The following WDR70 variants were observed in gnomAD, a reference collection of about 807,000 sequenced individuals.
The protein encoded by WDR70 is WD repeat domain 70.
Under a neutral mutation model 88.6 loss-of-function variants are expected in WDR70, and 53 were observed. That is an observed-to-expected ratio of 0.60 (90% CI 0.48 to 0.75). The LOEUF (loss-of-function observed/expected upper bound fraction) is 0.75, where lower values mean the gene tolerates loss of function less well. Ranked by LOEUF, WDR70 falls within the 30% of genes least tolerant of loss-of-function variation. The pLI is 0.00. For synonymous variants in WDR70, 280 were observed against 270.0 expected (o/e 1.04, Z -0.36); for missense variants, 610 against 823.2 (o/e 0.74, Z 3.17).
At chr5:37,699,359 C>G (rs866152184) in intron 11 of WDR70, among the ~76,000 whole-genome samples, 6 of 126,508 alleles carry the variant, frequency 4.7e-5, no homozygotes, top group African/African-American at 9.5e-5. Flanking sequence ...CACACACACA[C>G]AGTGTGTGTG....
intron 10 of WDR70, among the ~76,000 whole-genome samples, chr5:37,685,113 C>G (rs1356468773): frequency 1.3e-5 from 2 of 151,904 alleles, no homozygotes; most frequent in Non-Finnish European, 2.9e-5. Flanking sequence ...GCAGTGTTGG[C>G]ACTGGGATGG....
chr5:37,657,275 C>G (rs1029967803), intron 10 of WDR70, among the ~76,000 whole-genome samples: 1 of 152,118 alleles, frequency 6.6e-6, no homozygotes, highest in Non-Finnish European at 1.5e-5. Context: ...TTGTGCTTCC[C>G]GGGTGAGATG....
chr5:37,692,808 G>A (rs1746845400), intron 10 of WDR70, among the ~76,000 whole-genome samples: 1 of 152,086 alleles, frequency 6.6e-6, no homozygotes, highest in African/African-American at 2.4e-5. Context: ...ACCAGCACAA[G>A]ACAAGGATGC....
At chr5:37,429,464 T>C (rs558356670) in intron 5 of WDR70, among the ~76,000 whole-genome samples, 2 of 152,282 alleles carry the variant, frequency 1.3e-5, no homozygotes, top group Non-Finnish European at 2.9e-5. Context: ...CTCATTGTTT[T>C]ATAGGTTTAG....
chr5:37,609,776 G>A (rs1744134158), intron 10 of WDR70, among the ~76,000 whole-genome samples: 1 of 152,180 alleles, frequency 6.6e-6, no homozygotes, highest in Admixed American at 6.5e-5. Flanking sequence ...TGGCTGTTCA[G>A]TGCCCCCATT....
At chr5:37,438,982 A>G (rs1012304103) in intron 6 of WDR70, among the ~76,000 whole-genome samples, 1 of 147,970 alleles carries the variant, frequency 6.8e-6, no homozygotes, top group Non-Finnish European at 1.5e-5. Context: ...CAGTGGTGTG[A>G]TCTCGGCTCA....
intron 3 of WDR70, among the ~76,000 whole-genome samples, chr5:37,382,554 G>T (rs1287790573): frequency 1.3e-5 from 2 of 151,958 alleles, no homozygotes; most frequent in Non-Finnish European, 2.9e-5. Flanking sequence ...TGGGACTACA[G>T]GTGTACGCCA....
chr5:37,710,605 T>C (rs548907102), intron 13 of WDR70, among the ~76,000 whole-genome samples: 21 of 152,112 alleles, frequency 1.4e-4, no homozygotes, highest in African/African-American at 5.1e-4. Context: ...TCAAGATAAG[T>C]AACATTTTAA....
At chr5:37,467,089 T>C (rs916950049) in intron 7 of WDR70, among the ~76,000 whole-genome samples, 1 of 151,992 alleles carries the variant, frequency 6.6e-6, no homozygotes, top group African/African-American at 2.4e-5. Flanking sequence ...TAGCTGGGCA[T>C]GGTGGTGCAC....
chr5:37,382,211 G>T lies in WDR70; in HGVS notation c.175+526G>T, dbSNP rs552675825. Among the ~76,000 whole-genome samples the T allele has an allele frequency of 2.6e-5, 4 of 150,972 alleles. No homozygotes were observed. The South Asian group carries it at 8.4e-4, about 32-fold the overall frequency. On this transcript the variant is annotated intron_variant, in intron 3 of 17. Coordinates refer to ENST00000265107, the MANE Select transcript of WDR70 (RefSeq NM_018034.4). ...CCTCCCCGGTTCAAGCGATTCTCCT[G>T]CCTCTGCCTCCCGAGTAGCTGGGAC...
intron 10 of WDR70, 148 bp downstream of exon 10, chr5:37,605,386 G>GT: frequency 1.4e-6 from 1 of 725,808 alleles, no homozygotes; most frequent in Non-Finnish European, 2.0e-6. Flanking sequence ...GTGATCAAAC[G>GT]TTGAGACTTT....
At chr5:37,665,636 C>T (rs1745818282) in intron 10 of WDR70, among the ~76,000 whole-genome samples, 1 of 152,152 alleles carries the variant, frequency 6.6e-6, no homozygotes, top group South Asian at 2.1e-4. Flanking sequence ...TGATGCTTGA[C>T]CTTGACTTTG....
chr5:37,684,183 G>T (rs1000074952), intron 10 of WDR70, among the ~76,000 whole-genome samples: 1 of 152,200 alleles, frequency 6.6e-6, no homozygotes, highest in Admixed American at 6.5e-5. Flanking sequence ...TATTTTGTCT[G>T]TCAGTTCCTG....
At chr5:37,593,858 G>A (rs1167057190) in intron 9 of WDR70, among the ~76,000 whole-genome samples, 1 of 152,170 alleles carries the variant, frequency 6.6e-6, no homozygotes, top group African/African-American at 2.4e-5. Flanking sequence ...GGCGTAAGAT[G>A]GTATCTCATT....
At chr5:37,420,258 G>T (rs1359397406) in intron 5 of WDR70, among the ~76,000 whole-genome samples, 2 of 152,138 alleles carry the variant, frequency 1.3e-5, no homozygotes, top group African/African-American at 2.4e-5. Context: ...CAAGAATCAG[G>T]TAATTATTTT....
At chr5:37,611,978 T>G (rs1196945027) in intron 10 of WDR70, among the ~76,000 whole-genome samples, 1 of 152,154 alleles carries the variant, frequency 6.6e-6, no homozygotes, top group Non-Finnish European at 1.5e-5. Flanking sequence ...CAGCCCAGAC[T>G]AATGACCTCA....
chr5:37,751,514 A>G (rs1481422034), intron 17 of WDR70, among the ~76,000 whole-genome samples: 1 of 152,240 alleles, frequency 6.6e-6, no homozygotes, highest in Non-Finnish European at 1.5e-5. Flanking sequence ...TTTCCCCAGG[A>G]TAATAAAAAA....
rs1183954788 is a variant in WDR70 at position 37,701,144 on chromosome 5, T to G, written c.1277+2T>G. On this transcript the variant is annotated splice_donor_variant, in intron 12 of 17. Transcript: ENST00000265107. LOFTEE classifies it high-confidence loss of function. The stretch of plus-strand genomic sequence containing the variant: ...GGGTCTTCCCACCATGTTCCCAATG[T>G]AAGTAGCATATTTTAAATATTTGAT... The G allele has an allele frequency of 6.3e-7, 1 of 1,576,122 alleles. No homozygotes were observed. The highest frequency in any genetic ancestry group is 1.7e-5 in the Admixed American group (1 of 59,940).
At position 37,444,465 on chromosome 5, in the gene WDR70, A is replaced by G. The variant is rs1738397659; in HGVS notation, c.686+1093A>G. Reference sequence around the variant, plus strand: ...GACATCCTCCCACCTCAGCCTCCCAAATAGCTGGGACTATATGGGTGTGCA... The same window carrying G: ...GACATCCTCCCACCTCAGCCTCCCAGATAGCTGGGACTATATGGGTGTGCA... On this transcript the variant is annotated intron_variant, in intron 7 of 17. Transcript: ENST00000265107. Among the ~76,000 whole-genome samples, 6 of 149,748 alleles carry G rather than the reference A, an allele frequency of 4.0e-5. 1 individual carries two copies. In the South Asian group the frequency reaches 1.3e-3, roughly 32 times the overall value.
Sources: gnomAD v4.1 joint callset for allele counts (sites outside exome capture counted in the v4.1 genomes callset) on GRCh38, gnomAD v4.1.1 for gene constraint, MANE v1.5 for transcripts, NCBI Gene and HGNC (gene_info 2026-07-23, HGNC 2026-07-21) for gene names.